AMBRA1: variants seen among roughly 807,000 people sequenced by gnomAD.
AMBRA1 encodes the protein activating molecule in BECN1-regulated autophagy protein 1.
AMBRA1 carries 47 observed loss-of-function variants against 125.4 expected under a neutral mutation model. The observed-to-expected ratio is 0.37, with a 90% CI of 0.30 to 0.48. AMBRA1 has a LOEUF of 0.48. Among genes scored for constraint, AMBRA1 ranks in the 20% least tolerant of loss-of-function variants. The pLI is 0.99. For synonymous variants in AMBRA1, 626 were observed against 655.5 expected (o/e 0.95, Z 0.69); for missense variants, 1,331 against 1,693.4 (o/e 0.79, Z 3.76).
chr11:46,524,254 C>T (rs540023812), intron 7 of AMBRA1, among the ~76,000 whole-genome samples: 38 of 152,138 alleles, frequency 2.5e-4, no homozygotes, highest in Non-Finnish European at 1.2e-4. Flanking sequence ...GAGTGGAATG[C>T]CCCCCAGAAA....
At chr11:46,468,077 G>C (rs1565189861) in intron 11 of AMBRA1, among the ~76,000 whole-genome samples, 1 of 152,188 alleles carries the variant, frequency 6.6e-6, no homozygotes, top group Non-Finnish European at 1.5e-5. Context: ...CAGGGCATAG[G>C]ATGGTGACAG....
At chr11:46,458,191 TA>T (rs1435268254) in intron 11 of AMBRA1, among the ~76,000 whole-genome samples, 1 of 152,158 alleles carries the variant, frequency 6.6e-6, no homozygotes, top group Admixed American at 6.5e-5. Context: ...AGCTTCTAAT[TA>T]AAATCCAGTG....
chr11:46,523,971 C>T (rs1951865116), intron 7 of AMBRA1, among the ~76,000 whole-genome samples: 1 of 152,142 alleles, frequency 6.6e-6, no homozygotes, highest in African/African-American at 2.4e-5. Flanking sequence ...TGGGTTCAAG[C>T]AATTCTCCTG....
intron 1 of AMBRA1, among the ~76,000 whole-genome samples, chr11:46,583,649 TTCCAAAAAAA>T (rs1477701691): frequency 3.2e-5 from 1 of 30,932 alleles, no homozygotes; most frequent in African/African-American, 1.3e-4. Context: ...TCAAACAAAT[TTCCAAAAAAA>T]AAAAAAAAAA....
chr11:46,448,623 A>G (rs1316473459), intron 11 of AMBRA1, among the ~76,000 whole-genome samples: 1 of 152,180 alleles, frequency 6.6e-6, no homozygotes, highest in African/African-American at 2.4e-5. Context: ...ATGAAACTGA[A>G]AACAGGAAAT....
chr11:46,572,040 C>T (rs1481839649), intron 1 of AMBRA1, among the ~76,000 whole-genome samples: 1 of 152,116 alleles, frequency 6.6e-6, no homozygotes, highest in African/African-American at 2.4e-5. Flanking sequence ...TGGTAGCTCA[C>T]GCCTATAATC....
chr11:46,440,999 A>G (rs904860350), intron 12 of AMBRA1, among the ~76,000 whole-genome samples: 1 of 152,220 alleles, frequency 6.6e-6, no homozygotes, highest in Non-Finnish European at 1.5e-5. Flanking sequence ...GTCCACAGTA[A>G]TGTACTACAA....
At chr11:46,538,587 C>T (rs1323842073) in intron 7 of AMBRA1, among the ~76,000 whole-genome samples, 3 of 152,054 alleles carry the variant, frequency 2.0e-5, no homozygotes, top group African/African-American at 4.8e-5. Context: ...TCCGCCTCCC[C>T]GGGTCCAAGT....
chr11:46,507,543 T>C (rs998881841), intron 9 of AMBRA1, among the ~76,000 whole-genome samples: 1 of 151,748 alleles, frequency 6.6e-6, no homozygotes, highest in Non-Finnish European at 1.5e-5. Context: ...CCTGCTCCTT[T>C]AGCGCATCCT....
At chr11:46,551,851 A>AGTTG (rs2043009632) in intron 1 of AMBRA1, among the ~76,000 whole-genome samples, 1 of 152,116 alleles carries the variant, frequency 6.6e-6, no homozygotes, top group Non-Finnish European at 1.5e-5. Context: ...AACATGGTGA[A>AGTTG]ACCCCATCTC....
chr11:46,524,813 G>A (rs1951899043), intron 7 of AMBRA1, among the ~76,000 whole-genome samples: 1 of 152,234 alleles, frequency 6.6e-6, no homozygotes, highest in African/African-American at 2.4e-5. Flanking sequence ...AGAAAGACAT[G>A]TTGAAGAAGG....
chr11:46,410,043 G>A (rs1254057025), intron 16 of AMBRA1, among the ~76,000 whole-genome samples: 1 of 152,262 alleles, frequency 6.6e-6, no homozygotes, highest in Admixed American at 6.5e-5. Context: ...GGCCAGGATG[G>A]GAGAGGGCCA....
At chr11:46,503,311 C>A (rs1950914346) in intron 9 of AMBRA1, among the ~76,000 whole-genome samples, 1 of 151,830 alleles carries the variant, frequency 6.6e-6, no homozygotes, top group African/African-American at 2.4e-5. Context: ...ATAGGAAGGC[C>A]CAAGAAGAGG....
chr11:46,448,405 TTAAATG>T (rs1262162245), intron 11 of AMBRA1, among the ~76,000 whole-genome samples: 1 of 152,126 alleles, frequency 6.6e-6, no homozygotes, highest in African/African-American at 2.4e-5. Context: ...ATATTTTGGA[TTAAATG>T]TAAATGAAAA....
chr11:46,499,086 A>G lies in AMBRA1; in HGVS notation c.2340-4882T>C, dbSNP rs1390456214. On this transcript the variant is annotated intron_variant, in intron 9 of 17. Coordinates refer to ENST00000683756, the MANE Select transcript of AMBRA1 (RefSeq NM_001387011.1). ...TCATTCATAGGGAATAGCTAATAGC[A>G]TAGGTCTCCTGGAACTACAGAGCCT... 3.9e-5 allele frequency among the ~76,000 whole-genome samples: 6 copies of G among 152,242 alleles called. No individual in the cohort carries two copies. In the East Asian group the frequency reaches 1.2e-3, roughly 29 times the overall value.
chr11:46,545,954 T>A, intron 4 of AMBRA1, 178 bp from the exon 5 acceptor site: 1 of 591,670 alleles, frequency 1.7e-6, no homozygotes, highest in Admixed American at 3.0e-5. Flanking sequence ...ATTTATCAGA[T>A]AAATACTATA....
intron 17 of AMBRA1, among the ~76,000 whole-genome samples, chr11:46,402,900 TGGGAACTCTAAGCCAA>T (rs1945834456): frequency 6.6e-6 from 1 of 152,166 alleles, no homozygotes; most frequent in Non-Finnish European, 1.5e-5. Flanking sequence ...GCTTCCCTCC[TGGGAACTCTAAGCCAA>T]GGCTAAGAGC....
intron 17 of AMBRA1, among the ~76,000 whole-genome samples, chr11:46,399,724 A>AC (rs1945632709): frequency 6.6e-6 from 1 of 150,658 alleles, no homozygotes; most frequent in African/African-American, 2.4e-5. Flanking sequence ...CTTTCCCTTT[A>AC]CCCCCCAGTC....
At position 46,547,491 on chromosome 11, in the gene AMBRA1, C is replaced by T. The variant is rs2042861698; in HGVS notation, c.195-195G>A. The T allele has an allele frequency of 3.1e-5, 18 of 582,468 alleles. 1 individual carries two copies. The South Asian group carries it at 5.0e-4, about 16-fold the overall frequency. The allele number at this position is 582,468 out of a possible 1,614,324, so 36.1% of individuals were successfully genotyped here. Reference sequence around the variant, plus strand: ...AAAGCTTTTGGCTTGTCCACACTGTCCCCAAATGACACATGCCACATTCGG... The same window carrying T: ...AAAGCTTTTGGCTTGTCCACACTGTTCCCAAATGACACATGCCACATTCGG... On this transcript the variant is annotated intron_variant, in intron 3 of 17. Transcript: ENST00000683756.
Sources: allele counts gnomAD v4.1 joint callset (sites outside exome capture counted in the v4.1 genomes callset), GRCh38; gene constraint gnomAD v4.1.1; transcripts MANE v1.5; gene names NCBI Gene and HGNC (gene_info 2026-07-23, HGNC 2026-07-21).